Variants in RFX6 observed in about 807,000 individuals in gnomAD.
RFX6 encodes the protein regulatory factor X6, also known as DNA-binding protein RFX6.
A neutral mutation model predicts 110.8 loss-of-function variants in RFX6; 50 were observed. The ratio of observed to expected loss-of-function variants is 0.45; its 90% CI spans 0.36 to 0.57. The LOEUF is 0.57. Ranked by LOEUF, RFX6 falls within the 20% of genes least tolerant of loss-of-function variation. The pLI, the probability that RFX6 is intolerant of heterozygous loss-of-function variation, is 0.00. For synonymous variants in RFX6, 383 were observed against 411.2 expected (o/e 0.93, Z 0.83); for missense variants, 990 against 1,127.0 (o/e 0.88, Z 1.74).
rs1512654 is a variant in RFX6 at position 116,894,137 on chromosome 6, G to A, written c.644+73G>A. 0.068 allele frequency: 59,199 copies of A among 873,398 alleles called. 2,580 individuals are homozygous for A. Among genetic ancestry groups the A allele is most frequent in the Admixed American group, 0.16 (9,654 of 58,764 alleles). 54.1% of individuals were successfully genotyped at this position (873,398 alleles called of 1,614,324 possible). A position where few individuals can be genotyped will look rare whatever the true frequency, so the allele number is the denominator to read the frequency against. On this transcript the variant is annotated intron_variant, in intron 5 of 18. Transcript: ENST00000332958. Reference sequence around the variant, plus strand: ...ATGCATGATACCTATTGAATAAAATGATTTCTTAATTTTGCTTATCAAGAT... The same window carrying A: ...ATGCATGATACCTATTGAATAAAATAATTTCTTAATTTTGCTTATCAAGAT...
chr6:116,897,278 A>G (rs569865873), intron 6 of RFX6, among the ~76,000 whole-genome samples: 9 of 152,250 alleles, frequency 5.9e-5, no homozygotes, highest in African/African-American at 2.2e-4. Context: ...TTTATGGAAG[A>G]TATCAAGTAT....
Position 116,916,421 on chromosome 6 carries a change from T to G in RFX6, c.972+107T>G, listed in dbSNP as rs2184343. 628,787 of 763,970 alleles carry G rather than the reference T, an allele frequency of 0.82. 260,250 individuals carry two copies. The highest frequency in any genetic ancestry group is 0.9 in the East Asian group (34,669 of 38,450). The allele number at this position is 763,970 out of a possible 1,614,324, so 47.3% of individuals were successfully genotyped here. A position where few individuals can be genotyped will look rare whatever the true frequency, so the allele number is the denominator to read the frequency against. ...AGTAAATATGTTATTTATGGCTGGA[T>G]ATACACTGTCTTTTTTTTTGATGAG... On this transcript the variant is annotated intron_variant, in intron 9 of 18. Coordinates refer to ENST00000332958, the MANE Select transcript of RFX6 (RefSeq NM_173560.4).
At chr6:116,893,126 T>C (rs531312082) in intron 4 of RFX6, among the ~76,000 whole-genome samples, 1 of 152,100 alleles carries the variant, frequency 6.6e-6, no homozygotes, top group East Asian at 1.9e-4. Flanking sequence ...ATTGAAGGAG[T>C]TGGTAAACAG....
intron 18 of RFX6, among the ~76,000 whole-genome samples, chr6:116,929,583 C>T (rs1027121865): frequency 3.9e-5 from 6 of 152,116 alleles, no homozygotes; most frequent in Non-Finnish European, 7.4e-5. Context: ...TTCTTCCAAC[C>T]AGGTTACATT....
chr6:116,883,766 CTTTTT>C (rs1774643165), intron 4 of RFX6, among the ~76,000 whole-genome samples: 1 of 152,096 alleles, frequency 6.6e-6, no homozygotes, highest in African/African-American at 2.4e-5. Context: ...ATAGGTCCTA[CTTTTT>C]GAATTCTTTT....
chr6:116,916,332 T>C lies in RFX6; in HGVS notation c.972+18T>C. 7.1e-7 allele frequency: 1 copy of C among 1,401,506 alleles called. No individual in the cohort carries two copies. The highest frequency in any genetic ancestry group is 1.0e-6 in the Non-Finnish European group (1 of 987,556). The allele number at this position is 1,401,506 out of a possible 1,614,324, so 86.8% of individuals were successfully genotyped here. A position where few individuals can be genotyped will look rare whatever the true frequency, so the allele number is the denominator to read the frequency against. ...TTTATAAGGTAAGCACTTTGGGATGTCTTAAACATGAGCCATTTATTTCTT... is the reference window on the plus strand; with the variant it reads ...TTTATAAGGTAAGCACTTTGGGATGCCTTAAACATGAGCCATTTATTTCTT... On this transcript the variant is annotated intron_variant, in intron 9 of 18. Coordinates refer to ENST00000332958, the MANE Select transcript of RFX6 (RefSeq NM_173560.4).
chr6:116,922,642 T>C (rs751975295), intron 13 of RFX6, among the ~76,000 whole-genome samples: 6 of 152,290 alleles, frequency 3.9e-5, no homozygotes, highest in Middle Eastern at 6.8e-3. Flanking sequence ...AGAACAAATA[T>C]ATCCATCACT....
chr6:116,911,544 A>G (rs1449240276), intron 7 of RFX6, among the ~76,000 whole-genome samples: 1 of 152,200 alleles, frequency 6.6e-6, no homozygotes, highest in Non-Finnish European at 1.5e-5. Flanking sequence ...TTTAAAGTTA[A>G]GAAAGAATCA....
At chr6:116,896,549 C>CA (rs1774948604) in intron 6 of RFX6, among the ~76,000 whole-genome samples, 1 of 151,272 alleles carries the variant, frequency 6.6e-6, no homozygotes, top group African/African-American at 2.4e-5. Flanking sequence ...CTGAAAAATA[C>CA]AAAAAATTAT....
At chr6:116,930,418 G>T (rs1775857914) in intron 18 of RFX6, among the ~76,000 whole-genome samples, 1 of 152,264 alleles carries the variant, frequency 6.6e-6, no homozygotes, top group African/African-American at 2.4e-5. Flanking sequence ...AGGATATGGT[G>T]GTGATCAGGC....
intron 18 of RFX6, among the ~76,000 whole-genome samples, chr6:116,929,436 T>C (rs939565644): frequency 6.6e-6 from 1 of 152,120 alleles, no homozygotes; most frequent in Admixed American, 6.5e-5. Context: ...TGATGGGTGC[T>C]ACTAGCATTT....
Position 116,877,317 on chromosome 6 carries a change from G to A in RFX6, c.42G>A (p.Ala14=), listed in dbSNP as rs768220099. ...VPELEDTFLQ[A]QPAPQLSPGI... is the part of the protein sequence containing the mutation. ...AGCTGGAAGACACCTTCCTGCAGGC[G>A]CAGCCTGCGCCCCAACTGTCCCCGG... Residue 14 remains alanine, a synonymous_variant, in exon 1 of 19, where the codon GCG becomes GCA. Transcript: ENST00000332958. The A allele has an allele frequency of 1.1e-5, 18 of 1,612,452 alleles. No homozygotes were observed. In the South Asian group the frequency reaches 1.8e-4, roughly 16 times the overall value.
chr6:116,921,617 A>AG (rs1775596449), intron 12 of RFX6, among the ~76,000 whole-genome samples: 2 of 152,208 alleles, frequency 1.3e-5, no homozygotes, highest in South Asian at 4.2e-4. Context: ...CAGGAGTTCA[A>AG]GGCCAGCCTG....
At chr6:116,928,034 G>T (rs1005603221) in intron 17 of RFX6, among the ~76,000 whole-genome samples, 4 of 149,646 alleles carry the variant, frequency 2.7e-5, no homozygotes, top group African/African-American at 9.9e-5. Flanking sequence ...AAAGGTGTGA[G>T]CCAACACCCC....
chr6:116,927,751 T>TTTTC (rs1775779928), intron 17 of RFX6, among the ~76,000 whole-genome samples: 1 of 148,822 alleles, frequency 6.7e-6, no homozygotes, highest in Non-Finnish European at 1.5e-5. Context: ...TCCTTTTTTT[T>TTTTC]TTTTTTTTTT....
intron 18 of RFX6, among the ~76,000 whole-genome samples, chr6:116,929,582 C>A (rs938571118): frequency 2.6e-5 from 4 of 152,098 alleles, no homozygotes; most frequent in African/African-American, 9.7e-5. Flanking sequence ...CTTCTTCCAA[C>A]CAGGTTACAT....
chr6:116,915,111 T>G (rs1775435312), intron 7 of RFX6, among the ~76,000 whole-genome samples: 1 of 152,162 alleles, frequency 6.6e-6, no homozygotes, highest in African/African-American at 2.4e-5. Flanking sequence ...TTCTAACATG[T>G]AAAATAAAAG....
chr6:116,887,613 G>T (rs1774727799), intron 4 of RFX6, among the ~76,000 whole-genome samples: 1 of 152,052 alleles, frequency 6.6e-6, no homozygotes, highest in African/African-American at 2.4e-5. Flanking sequence ...TAATAATGAA[G>T]AATCATTCTT....
At chr6:116,925,083 T>G (rs769867821) in intron 15 of RFX6, among the ~76,000 whole-genome samples, 1 of 152,160 alleles carries the variant, frequency 6.6e-6, no homozygotes, top group Non-Finnish European at 1.5e-5. Flanking sequence ...AAAAAATAAC[T>G]GTAATTCAAG....
Sources: allele counts gnomAD v4.1 joint callset (sites outside exome capture counted in the v4.1 genomes callset), GRCh38; gene constraint gnomAD v4.1.1; transcripts MANE v1.5; gene names NCBI Gene and HGNC (gene_info 2026-07-23, HGNC 2026-07-21).